The following SOX5 variants were observed in gnomAD, a reference collection of about 807,000 sequenced individuals.
The protein encoded by SOX5 is SRY-box transcription factor 5, also known as transcription factor SOX-5.
A neutral mutation model predicts 92.0 loss-of-function variants in SOX5; 9 were observed. The ratio of observed to expected loss-of-function variants is 0.10; its 90% CI spans 0.06 to 0.17. The LOEUF (loss-of-function observed/expected upper bound fraction) is 0.17, where lower values mean the gene tolerates loss of function less well. Among genes scored for constraint, SOX5 ranks in the 10% least tolerant of loss-of-function variants. SOX5 has a pLI of 1.00. For missense variants in SOX5, 642 were observed against 944.5 expected (o/e 0.68, Z 4.20); for synonymous variants, 344 against 336.3 (o/e 1.02, Z -0.25).
chr12:23,578,790 T>C (rs1314155437), intron 9 of SOX5, among the ~76,000 whole-genome samples: 2 of 152,342 alleles, frequency 1.3e-5, no homozygotes, highest in African/African-American at 2.4e-5. Context: ...ATATACTACC[T>C]GTTTACTACC....
chr12:24,560,633 C>T (rs1210585333), intron 1 of SOX5, among the ~76,000 whole-genome samples: 2 of 152,186 alleles, frequency 1.3e-5, no homozygotes, highest in Non-Finnish European at 2.9e-5. Flanking sequence ...CAGCAATTCT[C>T]ATACAGCTGA....
rs199602065 is a variant in SOX5 at position 23,979,495 on chromosome 12, A to ATTAC, written c.-1-83475_-1-83472dup. On this transcript the variant is annotated intron_variant, in intron 4 of 4. Transcript: ENST00000446891. The stretch of plus-strand genomic sequence containing the variant: ...TTCCTTGGCCTCCCAAAGTGCTGGG[A>ATTAC]TTACAGGAGTGAGCCACCGCACCTG... 8.3e-3 allele frequency among the ~76,000 whole-genome samples: 1,261 copies of ATTAC among 152,000 alleles called. 24 individuals are homozygous for ATTAC. The highest frequency in any genetic ancestry group is 0.029 in the African/African-American group (1,200 of 41,446).
chr12:24,401,912 T>C (rs1961796821), intron 1 of SOX5, among the ~76,000 whole-genome samples: 1 of 152,118 alleles, frequency 6.6e-6, no homozygotes, highest in Admixed American at 6.5e-5. Flanking sequence ...GCTTTTATGA[T>C]CTATGCATGT....
intron 1 of SOX5, among the ~76,000 whole-genome samples, chr12:23,917,428 C>T (rs1407961337): frequency 6.6e-6 from 1 of 152,064 alleles, no homozygotes; most frequent in African/African-American, 2.4e-5. Context: ...TGGCTCATGC[C>T]TTTAATTCCA....
At chr12:23,708,471 G>C (rs1300116498) in intron 6 of SOX5, among the ~76,000 whole-genome samples, 1 of 152,166 alleles carries the variant, frequency 6.6e-6, no homozygotes, top group Non-Finnish European at 1.5e-5. Flanking sequence ...GGTCTTCAGT[G>C]ACAGGCAAAA....
chr12:23,740,694 GTT>G (rs1328618682), intron 5 of SOX5, among the ~76,000 whole-genome samples, 171 bp downstream of exon 5: 1 of 152,078 alleles, frequency 6.6e-6, no homozygotes, highest in Non-Finnish European at 1.5e-5. Flanking sequence ...TAAAATCCGG[GTT>G]TTGTCTGTGG....
intron 9 of SOX5, among the ~76,000 whole-genome samples, chr12:23,586,475 T>C (rs1950760696): frequency 2.0e-5 from 3 of 152,092 alleles, no homozygotes; most frequent in Admixed American, 1.3e-4. Context: ...AGGAAGAGTT[T>C]TACGGGGAAA....
rs866008319 is a variant in SOX5 at position 23,976,410 on chromosome 12, A to C, written c.-1-80386T>G. Among the ~76,000 whole-genome samples the C allele has an allele frequency of 2.2e-3, 327 of 149,184 alleles. 1 individual carries two copies. Among genetic ancestry groups the C allele is most frequent in the African/African-American group, 7.5e-3 (305 of 40,566 alleles). On this transcript the variant is annotated intron_variant, in intron 4 of 4. Transcript: ENST00000446891. The stretch of plus-strand genomic sequence containing the variant: ...ACTATTAAAAAAACAAAAAAACAAA[A>C]AAAAAAAAAAAAAAGAAGAGAAGGA...
rs1249592584 is a variant in SOX5, at chr12:23,770,053, T to G, written c.482-14329A>C. ...TCAAGTTAAATGCTCCCTCTGTTTT[T>G]TTTTTTTTTTTTTGCCTCACAATAA... On this transcript the variant is annotated intron_variant, in intron 3 of 14. Transcript: ENST00000451604. Among the ~76,000 whole-genome samples the G allele has an allele frequency of 5.3e-5, 8 of 150,254 alleles. No individual in the cohort carries two copies. The South Asian group carries it at 6.3e-4, about 12-fold the overall frequency.
At chr12:24,059,983 T>A (rs1592766137) in intron 4 of SOX5, among the ~76,000 whole-genome samples, 2 of 152,336 alleles carry the variant, frequency 1.3e-5, no homozygotes, top group East Asian at 3.9e-4. Context: ...AATGGAATTG[T>A]CTATGCTGAG....
intron 1 of SOX5, among the ~76,000 whole-genome samples, chr12:24,498,089 T>C (rs963760017): frequency 3.3e-5 from 5 of 152,040 alleles, no homozygotes; most frequent in African/African-American, 4.8e-5. Flanking sequence ...TCAGAAAGAA[T>C]AGGTAATGGA....
Position 23,671,131 on chromosome 12 carries a change from C to G in SOX5, c.811-5567G>C, listed in dbSNP as rs372451079. Among the ~76,000 whole-genome samples the G allele has an allele frequency of 1.1e-4, 16 of 152,248 alleles. No individual in the cohort carries two copies. The South Asian group carries it at 3.1e-3, about 30-fold the overall frequency. ...CAAAGAACTGGAAGAACTCCATGATCTAAAGGAACAGGTCTTATGAGAGTG... is the reference window on the plus strand; with the variant it reads ...CAAAGAACTGGAAGAACTCCATGATGTAAAGGAACAGGTCTTATGAGAGTG... On this transcript the variant is annotated intron_variant, in intron 6 of 14. Coordinates refer to ENST00000451604, the MANE Select transcript of SOX5 (RefSeq NM_006940.6).
At chr12:23,651,069 A>G (rs1419737248) in intron 7 of SOX5, among the ~76,000 whole-genome samples, 6 of 152,052 alleles carry the variant, frequency 3.9e-5, no homozygotes, top group Non-Finnish European at 7.4e-5. Context: ...ATTTTGGTAT[A>G]TGATTTAAGA....
chr12:23,942,351 C>T (rs1422237243), intron 1 of SOX5, among the ~76,000 whole-genome samples: 1 of 151,614 alleles, frequency 6.6e-6, no homozygotes, highest in Non-Finnish European at 1.5e-5. Flanking sequence ...TTCAATTGTA[C>T]TTAATATAAA....
chr12:23,629,432 T>A (rs1159322369), intron 8 of SOX5, among the ~76,000 whole-genome samples: 1 of 152,062 alleles, frequency 6.6e-6, no homozygotes. Flanking sequence ...TTTGTTAATA[T>A]CTGTTTTAGC....
chr12:23,657,706 T>C (rs1467598329), intron 7 of SOX5, among the ~76,000 whole-genome samples: 1 of 152,158 alleles, frequency 6.6e-6, no homozygotes, highest in Non-Finnish European at 1.5e-5. Context: ...AACTTAGAAG[T>C]CTAAGGGTTA....
chr12:24,460,182 A>T (rs1047554803), intron 1 of SOX5, among the ~76,000 whole-genome samples: 2 of 152,346 alleles, frequency 1.3e-5, no homozygotes, highest in African/African-American at 4.8e-5. Flanking sequence ...TAATCAATGC[A>T]ATGGGAGTGA....
At chr12:23,873,993 G>T (rs1450672150) in intron 2 of SOX5, among the ~76,000 whole-genome samples, 1 of 152,178 alleles carries the variant, frequency 6.6e-6, no homozygotes, top group Non-Finnish European at 1.5e-5. Context: ...GAGACTCCTT[G>T]CAGTGGGTTT....
chr12:24,541,071 T>A (rs1952080977), intron 1 of SOX5, among the ~76,000 whole-genome samples: 1 of 152,212 alleles, frequency 6.6e-6, no homozygotes, highest in African/African-American at 2.4e-5. Context: ...TAGGCTTCTA[T>A]AAACTTTTCT....
Sources: gnomAD v4.1 joint callset for allele counts (sites outside exome capture counted in the v4.1 genomes callset) on GRCh38, gnomAD v4.1.1 for gene constraint, MANE v1.5 for transcripts, NCBI Gene and HGNC (gene_info 2026-07-23, HGNC 2026-07-21) for gene names.